Variants in CCDC192 observed in about 807,000 individuals in gnomAD.
CCDC192 encodes the protein coiled-coil domain containing 192.
chr5:127,880,924 G>A (rs1043329297), intron 6 of CCDC192, among the ~76,000 whole-genome samples: 10 of 152,264 alleles, frequency 6.6e-5, no homozygotes, highest in African/African-American at 2.2e-4. Context: ...AGGTTGCAGT[G>A]AGCCGAGATT....
chr5:127,831,361 T>C (rs1032959105), intron 5 of CCDC192, among the ~76,000 whole-genome samples: 10 of 151,978 alleles, frequency 6.6e-5, no homozygotes, highest in African/African-American at 2.4e-4. Flanking sequence ...TGTGTGTGTG[T>C]GCGTGTGTAT....
At chr5:127,928,255 A>G (rs937239040) in intron 6 of CCDC192, among the ~76,000 whole-genome samples, 5 of 152,166 alleles carry the variant, frequency 3.3e-5, no homozygotes, top group Non-Finnish European at 7.4e-5. Context: ...TGGAGGTCAA[A>G]AGTCCAACAG....
At chr5:127,763,425 A>G (rs1410147431) in intron 3 of CCDC192, among the ~76,000 whole-genome samples, 10 of 151,974 alleles carry the variant, frequency 6.6e-5, no homozygotes, top group Non-Finnish European at 1.2e-4. Flanking sequence ...TATCTCCACT[A>G]TCACCATTTT....
In CCDC192 at chr5:127,786,371, A is replaced by G. The variant is rs1756537004; in HGVS notation, c.223-10732A>G. On this transcript the variant is annotated intron_variant, in intron 3 of 6. Transcript: ENST00000514853. Reference sequence around the variant, plus strand: ...AAGAGAGAGATTCAAAGGATTCTTTATACACTGTTAATGTAGGGCCCTTTG... The same window carrying G: ...AAGAGAGAGATTCAAAGGATTCTTTGTACACTGTTAATGTAGGGCCCTTTG... 2.8e-5 allele frequency: 18 copies of G among 635,386 alleles called. No individual in the cohort carries two copies. In the South Asian group the frequency reaches 3.2e-4, roughly 11 times the overall value. The allele number at this position is 635,386 out of a possible 1,614,324, so 39.4% of individuals were successfully genotyped here.
At chr5:127,805,733 T>C (rs746301717) in intron 5 of CCDC192, among the ~76,000 whole-genome samples, 35 of 152,224 alleles carry the variant, frequency 2.3e-4, no homozygotes, top group Non-Finnish European at 4.6e-4. Context: ...GAAATATTTT[T>C]GTTGCATGTG....
chr5:127,828,241 T>A (rs1346843279), intron 5 of CCDC192, among the ~76,000 whole-genome samples: 4 of 152,186 alleles, frequency 2.6e-5, no homozygotes, highest in African/African-American at 9.7e-5. Flanking sequence ...ACTCCACGAT[T>A]CATTTTTCAG....
chr5:127,782,422 C>G (rs570832076), intron 3 of CCDC192, among the ~76,000 whole-genome samples: 15 of 151,698 alleles, frequency 9.9e-5, no homozygotes, highest in Non-Finnish European at 2.2e-4. Flanking sequence ...TGGTAAAATT[C>G]TGCTGTAAAT....
chr5:127,885,325 G>A (rs913422345), intron 6 of CCDC192, among the ~76,000 whole-genome samples: 1 of 152,216 alleles, frequency 6.6e-6, no homozygotes, highest in Admixed American at 6.5e-5. Flanking sequence ...TGGGGAGGAA[G>A]ATACTTCCTT....
chr5:127,820,058 T>G (rs1045083132), intron 5 of CCDC192, among the ~76,000 whole-genome samples: 5 of 152,370 alleles, frequency 3.3e-5, no homozygotes, highest in South Asian at 2.1e-4. Context: ...ACTGATTGTG[T>G]TATTTTAAAT....
chr5:127,832,497 AC>A (rs1396101198), intron 5 of CCDC192, among the ~76,000 whole-genome samples: 4 of 152,206 alleles, frequency 2.6e-5, no homozygotes, highest in Non-Finnish European at 4.4e-5. Flanking sequence ...GGCATAAAAC[AC>A]GCCTGTGATA....
At chr5:127,896,038 G>C (rs927222210) in intron 6 of CCDC192, among the ~76,000 whole-genome samples, 2 of 152,146 alleles carry the variant, frequency 1.3e-5, no homozygotes, top group East Asian at 3.9e-4. Context: ...AAGTCCCTAG[G>C]CCCTTTTTGA....
At chr5:127,752,828 TA>T (rs979121760) in intron 2 of CCDC192, among the ~76,000 whole-genome samples, 3 of 152,180 alleles carry the variant, frequency 2.0e-5, no homozygotes, top group African/African-American at 7.2e-5. Flanking sequence ...CGCCGTTTTT[TA>T]AGCCGGTTGG....
intron 5 of CCDC192, among the ~76,000 whole-genome samples, chr5:127,859,852 T>A (rs888675744): frequency 6.6e-6 from 1 of 152,230 alleles, no homozygotes; most frequent in Non-Finnish European, 1.5e-5. Context: ...TTTACACATA[T>A]GTATTTCCAT....
At chr5:127,801,783 G>A (rs561015766) in intron 5 of CCDC192, among the ~76,000 whole-genome samples, 3 of 152,180 alleles carry the variant, frequency 2.0e-5, no homozygotes, top group East Asian at 3.9e-4. Context: ...GTTCATGTGA[G>A]CAAAGAATGA....
chr5:127,710,766 G>A (rs1006140337), intron 2 of CCDC192, among the ~76,000 whole-genome samples: 1 of 152,122 alleles, frequency 6.6e-6, no homozygotes, highest in Non-Finnish European at 1.5e-5. Context: ...TACCAATTTA[G>A]AAATTAAGAA....
chr5:127,884,354 AAAAAAAAAAAAAAAAG>A (rs1240383332), intron 6 of CCDC192, among the ~76,000 whole-genome samples: 1 of 146,936 alleles, frequency 6.8e-6, no homozygotes. Context: ...AAAAAAAAAA[AAAAAAAAAAAAAAAAG>A]AAGAGGGAAG....
intron 2 of CCDC192, among the ~76,000 whole-genome samples, chr5:127,742,014 A>G (rs1753447868): frequency 6.6e-6 from 1 of 152,188 alleles, no homozygotes; most frequent in Non-Finnish European, 1.5e-5. Flanking sequence ...CCTAATCCCA[A>G]GATTTCTGTA....
chr5:127,869,894 A>G (rs1751774609), intron 5 of CCDC192, among the ~76,000 whole-genome samples: 1 of 152,184 alleles, frequency 6.6e-6, no homozygotes, highest in Non-Finnish European at 1.5e-5. Context: ...GGCTACTGCA[A>G]AGAACTGAAA....
rs777122290 is a variant in CCDC192 at position 127,747,107 on chromosome 5, TA to T, written c.115-7160del. On this transcript the variant is annotated intron_variant, in intron 2 of 6. Transcript: ENST00000514853. Reference sequence around the variant, plus strand: ...ATTTCTTGTTTCTTTTTTATTTATTTATTTTTTTATTGTTATACTTTAAGTT... The same window carrying T: ...ATTTCTTGTTTCTTTTTTATTTATTTTTTTTTTATTGTTATACTTTAAGTT... 3.3e-4 allele frequency among the ~76,000 whole-genome samples: 50 copies of T among 152,150 alleles called. No individual in the cohort carries two copies. In the East Asian group the frequency reaches 6.2e-3, roughly 19 times the overall value.
Sources: gnomAD v4.1 joint callset for allele counts (sites outside exome capture counted in the v4.1 genomes callset) on GRCh38, gnomAD v4.1.1 for gene constraint, MANE v1.5 for transcripts, NCBI Gene and HGNC (gene_info 2026-07-23, HGNC 2026-07-21) for gene names.